ADISSP: variants seen among roughly 807,000 people sequenced by gnomAD.
ADISSP encodes the protein adipose secreted signaling protein.
the ADISSP span, among the ~76,000 whole-genome samples, chr20:3,766,691 G>C: frequency 6.6e-6 from 1 of 152,164 alleles, no homozygotes; most frequent in Non-Finnish European, 1.5e-5. Flanking sequence ...GAGCACACAG[G>C]ATTATCTCCC....
chr20:3,758,692 G>A, the ADISSP span: 3 of 1,609,448 alleles, frequency 1.9e-6, no homozygotes, highest in Non-Finnish European at 2.5e-6. This position sits in a 1 kb window ranked among gnomAD's most constrained non-coding sequence, Gnocchi z 5.5. Flanking sequence ...GGAAGAGTGG[G>A]AGAGGGCTCT....
the ADISSP span, among the ~76,000 whole-genome samples, chr20:3,762,305 C>T: frequency 0.032 from 4,848 of 151,822 alleles, 105 homozygotes; most frequent in Middle Eastern, 0.099. Flanking sequence ...AAAAATAAAA[C>T]GAGGGAGATT....
chr20:3,766,199 C>A, the ADISSP span, among the ~76,000 whole-genome samples: 1 of 152,182 alleles, frequency 6.6e-6, no homozygotes. Flanking sequence ...TTAAAGCTCA[C>A]GCCTGTGAAA....
the ADISSP span, among the ~76,000 whole-genome samples, chr20:3,758,016 AG>A: frequency 2.2e-4 from 22 of 99,092 alleles, no homozygotes; most frequent in African/African-American, 4.7e-4. The surrounding 1 kb of genome is among the most constrained non-coding windows in gnomAD (Gnocchi z 5.5). Context: ...AGCAGAAAAC[AG>A]GGGGTGATAA....
chr20:3,764,243 T>C, the ADISSP span, among the ~76,000 whole-genome samples: 1 of 152,124 alleles, frequency 6.6e-6, no homozygotes, highest in African/African-American at 2.4e-5. Context: ...CAGCCACACC[T>C]CTGCAGCCAG....
At chr20:3,761,275 A>G in the ADISSP span, among the ~76,000 whole-genome samples, 1 of 152,050 alleles carries the variant, frequency 6.6e-6, no homozygotes, top group Non-Finnish European at 1.5e-5. Flanking sequence ...GGGAAGGTTG[A>G]CAGGAAGCAG....
At chr20:3,761,510 A>G in the ADISSP span, among the ~76,000 whole-genome samples, 1 of 151,968 alleles carries the variant, frequency 6.6e-6, no homozygotes, top group African/African-American at 2.4e-5. Context: ...TAATTTTTGT[A>G]TTTTTAGTAG....
the ADISSP span, chr20:3,754,056 C>T: frequency 6.2e-7 from 1 of 1,610,282 alleles, no homozygotes; most frequent in South Asian, 1.1e-5. Flanking sequence ...GGGCCTCGGG[C>T]CTCAGTCAAA....
At chr20:3,763,255 CAAAAAA>C in the ADISSP span, among the ~76,000 whole-genome samples, 1 of 48,744 alleles carries the variant, frequency 2.1e-5, no homozygotes, top group Non-Finnish European at 3.9e-5. Context: ...GACTCTGTCT[CAAAAAA>C]AAAAAAAAAA....
At chr20:3,758,734 C>G in the ADISSP span, 1 of 1,562,180 alleles carries the variant, frequency 6.4e-7, no homozygotes, top group Non-Finnish European at 8.8e-7. The surrounding 1 kb of genome is among the most constrained non-coding windows in gnomAD (Gnocchi z 5.5). Flanking sequence ...GAAACTCCTC[C>G]CCCTTGTCCC....
At chr20:3,754,637 A>G in the ADISSP span, 2 of 1,089,940 alleles carry the variant, frequency 1.8e-6, no homozygotes, top group Non-Finnish European at 1.4e-6. Flanking sequence ...CCCCCCCAAG[A>G]AAGGGGCAGG....
chr20:3,753,936 G>T, the ADISSP span: 2 of 731,530 alleles, frequency 2.7e-6, no homozygotes, highest in South Asian at 1.6e-5. Flanking sequence ...GCGTGGGCAA[G>T]GCCACTCCAC....
the ADISSP span, among the ~76,000 whole-genome samples, chr20:3,766,216 G>C: frequency 0.74 from 111,848 of 152,112 alleles, 41,961 homozygotes; most frequent in African/African-American, 0.89. Flanking sequence ...GAAAAGAACA[G>C]CCATTGAGGC....
chr20:3,763,344 G>T, the ADISSP span, among the ~76,000 whole-genome samples: 1 of 151,648 alleles, frequency 6.6e-6, no homozygotes. Flanking sequence ...GATCACCTGA[G>T]GTCGGGAGTT....
chr20:3,760,289 C>T, the ADISSP span: 113 of 584,360 alleles, frequency 1.9e-4, no homozygotes, highest in Admixed American at 5.3e-4. Flanking sequence ...AAACCCCTAC[C>T]GCTCTCAGCA....
At chr20:3,755,316 G>A in the ADISSP span, 1 of 671,270 alleles carries the variant, frequency 1.5e-6, no homozygotes, top group Non-Finnish European at 2.6e-6. Flanking sequence ...GGCCTGGAGT[G>A]TGGGACCTGC....
the ADISSP span, among the ~76,000 whole-genome samples, chr20:3,756,198 C>T: frequency 1.3e-5 from 2 of 152,260 alleles, no homozygotes; most frequent in South Asian, 4.1e-4. Context: ...AGCTGGCCCA[C>T]AGGCCTGGCA....
the ADISSP span, chr20:3,758,703 G>A: frequency 6.2e-7 from 1 of 1,609,476 alleles, no homozygotes; most frequent in East Asian, 2.2e-5. This position sits in a 1 kb window ranked among gnomAD's most constrained non-coding sequence, Gnocchi z 5.5. Flanking sequence ...AGAGGGCTCT[G>A]AGGGCTTTCC....
At chr20:3,754,157 G>A in the ADISSP span, 2 of 1,610,114 alleles carry the variant, frequency 1.2e-6, no homozygotes, top group Non-Finnish European at 1.7e-6. Flanking sequence ...CGTGGTGCCG[G>A]TCTGCAAGGC....
Sources: gnomAD v4.1 joint callset for allele counts (sites outside exome capture counted in the v4.1 genomes callset) on GRCh38, gnomAD v4.1.1 for gene constraint, Gnocchi (gnomAD v3.1) non-coding constraint, MANE v1.5 for transcripts, NCBI Gene and HGNC (gene_info 2026-07-23, HGNC 2026-07-21) for gene names.